Variants in RNF17 observed in about 807,000 individuals in gnomAD.
The protein encoded by RNF17 is spermatogenesis associated 23.
A neutral mutation model predicts 200.5 loss-of-function variants in RNF17; 31 were observed. The ratio of observed to expected loss-of-function variants is 0.15; its 90% CI spans 0.12 to 0.21. RNF17 has a LOEUF of 0.21. Among genes scored for constraint, RNF17 ranks in the 10% least tolerant of loss-of-function variants. RNF17 has a pLI of 1.00. For missense variants in RNF17, 1,628 were observed against 1,905.1 expected (o/e 0.85, Z 2.71); for synonymous variants, 606 against 637.8 (o/e 0.95, Z 0.75).
chr13:24,874,410 G>T, intron 33 of RNF17, 161 bp downstream of exon 33: 1 of 476,232 alleles, frequency 2.1e-6, no homozygotes, highest in Non-Finnish European at 3.4e-6. Flanking sequence ...ATTTACCATT[G>T]TAGCTTTTTT....
At chr13:24,788,191 C>A in intron 7 of RNF17, 32 bp downstream of exon 7, 1 of 1,485,880 alleles carries the variant, frequency 6.7e-7, no homozygotes, top group Non-Finnish European at 9.1e-7. Context: ...TGAGTTATTT[C>A]TGTGGTAGCT....
intron 34 of RNF17, among the ~76,000 whole-genome samples, chr13:24,877,894 T>C (rs900286663): frequency 1.3e-5 from 2 of 152,246 alleles, no homozygotes; most frequent in South Asian, 4.1e-4. Context: ...AGGCAGAATC[T>C]GGCCTGTACC....
chr13:24,873,294 C>G (rs1032175737), intron 32 of RNF17, among the ~76,000 whole-genome samples: 2 of 152,090 alleles, frequency 1.3e-5, no homozygotes, highest in Non-Finnish European at 2.9e-5. Flanking sequence ...GAAGCTTAAT[C>G]CTTAGGAATT....
the RNF17 span, among the ~76,000 whole-genome samples, chr13:24,753,149 A>C: frequency 1.3e-5 from 2 of 152,208 alleles, no homozygotes; most frequent in Non-Finnish European, 2.9e-5. Flanking sequence ...GATAATTACA[A>C]TGTTGATGCT....
intron 15 of RNF17, among the ~76,000 whole-genome samples, chr13:24,814,906 A>G (rs1887195096): frequency 6.6e-6 from 1 of 152,236 alleles, no homozygotes; most frequent in African/African-American, 2.4e-5. Context: ...GATATTGAGT[A>G]TGATATTATC....
chr13:24,826,181 T>C (rs1193424718), intron 16 of RNF17: 2 of 708,046 alleles, frequency 2.8e-6, no homozygotes, highest in African/African-American at 1.9e-5. Context: ...AATTATTGAC[T>C]GAACTGCTAG....
At chr13:24,861,005 G>C (rs1341098793) in intron 26 of RNF17, among the ~76,000 whole-genome samples, 1 of 151,936 alleles carries the variant, frequency 6.6e-6, no homozygotes, top group Non-Finnish European at 1.5e-5. Context: ...AGCATCCTGA[G>C]TAGCCGGGAC....
chr13:24,844,622 TG>T lies in RNF17; in HGVS notation c.2832-28del, dbSNP rs756429613. 9.3e-5 allele frequency: 140 copies of T among 1,506,126 alleles called. No individual in the cohort carries two copies. In the African/African-American group the frequency reaches 1.8e-3, roughly 20 times the overall value. 93.3% of individuals were successfully genotyped at this position (1,506,126 alleles called of 1,614,324 possible). A position where few individuals can be genotyped will look rare whatever the true frequency, so the allele number is the denominator to read the frequency against. On this transcript the variant is annotated intron_variant, in intron 20 of 35. Transcript: ENST00000255324. Reference sequence around the variant, plus strand: ...CCAGAGAATTATATAAGAAAAGGTTTGGAAAGTTAAATATTTTTTATCTCTA... The same window carrying T: ...CCAGAGAATTATATAAGAAAAGGTTTGAAAGTTAAATATTTTTTATCTCTA...
At chr13:24,883,280 A>G (rs776208137), downstream of RNF17, 1 of 1,614,026 alleles carries the variant, frequency 6.2e-7, no homozygotes, top group Non-Finnish European at 8.5e-7. Context: ...TACGGTTTTA[A>G]CAGTGCCATC....
chr13:24,842,278 A>G, intron 19 of RNF17, 117 bp downstream of exon 19: 1 of 845,672 alleles, frequency 1.2e-6, no homozygotes, highest in Non-Finnish European at 1.7e-6. Context: ...TGTAGACCTG[A>G]GAATTTTCCC....
At chr13:24,888,270 C>A in the RNF17 span, among the ~76,000 whole-genome samples, 1 of 151,612 alleles carries the variant, frequency 6.6e-6, no homozygotes, top group Non-Finnish European at 1.5e-5. Context: ...AAAAAAAACA[C>A]AAACTGAAAA....
intron 18 of RNF17, among the ~76,000 whole-genome samples, chr13:24,832,821 G>T (rs981580906): frequency 6.6e-6 from 1 of 152,146 alleles, no homozygotes; most frequent in African/African-American, 2.4e-5. Flanking sequence ...ATGGCTCACT[G>T]CAGCCTCAAC....
At chr13:24,785,704 A>T (rs1883015930) in intron 6 of RNF17, among the ~76,000 whole-genome samples, 1 of 152,156 alleles carries the variant, frequency 6.6e-6, no homozygotes. Flanking sequence ...GAAGTCTCTA[A>T]TGATTATTGT....
Position 24,764,888 on chromosome 13 carries a change from G to GGGGT in RNF17, c.130+556_130+557insGGTG, listed in dbSNP as rs899352115. 4.5e-3 allele frequency among the ~76,000 whole-genome samples: 609 copies of GGGGT among 134,146 alleles called. 2 individuals carry two copies. The highest frequency in any genetic ancestry group is 8.1e-3 in the South Asian group (31 of 3,836). 88.0% of individuals were successfully genotyped at this position (134,146 alleles called of 152,430 possible). A position where few individuals can be genotyped will look rare whatever the true frequency, so the allele number is the denominator to read the frequency against. ...ATAGTTTCTTTTGTGCACCTTGTGG[G>GGGGT]GTGTGTGTGTGTGTGTGTGTGTGTG... is the stretch of plus-strand genomic sequence containing the variant. On this transcript the variant is annotated intron_variant, in intron 1 of 35. Coordinates refer to ENST00000255324, the MANE Select transcript of RNF17 (RefSeq NM_031277.3).
At chr13:24,878,287 A>G (rs999240880) in intron 34 of RNF17, among the ~76,000 whole-genome samples, 1 of 152,258 alleles carries the variant, frequency 6.6e-6, no homozygotes. Context: ...TAGCTCATAC[A>G]GGGTTTCTCT....
chr13:24,824,250 G>A lies in RNF17; in HGVS notation c.2092-1369G>A, dbSNP rs1455890793. 5.6e-6 allele frequency: 4 copies of A among 709,776 alleles called. No homozygotes were observed. The East Asian group carries it at 8.1e-5, about 14-fold the overall frequency. The allele number at this position is 709,776 out of a possible 1,614,324, so 44.0% of individuals were successfully genotyped here. A position where few individuals can be genotyped will look rare whatever the true frequency, so the allele number is the denominator to read the frequency against. ...ACTTTCTCATTTTTTCAATGTTTCTGTATTGGAAGAAGAACTTAAAGCTTC... is the reference window on the plus strand; with the variant it reads ...ACTTTCTCATTTTTTCAATGTTTCTATATTGGAAGAAGAACTTAAAGCTTC... On this transcript the variant is annotated intron_variant, in intron 15 of 35. Transcript: ENST00000255324.
chr13:24,877,531 A>G (rs1278206345), intron 34 of RNF17, among the ~76,000 whole-genome samples: 1 of 152,220 alleles, frequency 6.6e-6, no homozygotes, highest in African/African-American at 2.4e-5. Context: ...GTACTATAAC[A>G]GAGCTATAGC....
chr13:24,811,368 C>T (rs1198832346), intron 15 of RNF17, among the ~76,000 whole-genome samples: 2 of 151,632 alleles, frequency 1.3e-5, no homozygotes, highest in East Asian at 1.9e-4. Context: ...TCTAAACTTC[C>T]CTTCTCGCTT....
chr13:24,865,072 C>T (rs1214867039), intron 29 of RNF17, 74 bp downstream of exon 29: 4 of 1,114,552 alleles, frequency 3.6e-6, no homozygotes, highest in South Asian at 2.8e-5. Context: ...TTGTCTTACA[C>T]TGTGTCTTAA....
Sources: gnomAD v4.1 joint callset for allele counts (sites outside exome capture counted in the v4.1 genomes callset) on GRCh38, gnomAD v4.1.1 for gene constraint, MANE v1.5 for transcripts, NCBI Gene and HGNC (gene_info 2026-07-23, HGNC 2026-07-21) for gene names.